ZNF185: variants seen among roughly 807,000 people sequenced by gnomAD.
ZNF185 encodes the protein zinc finger protein 185 with LIM domain, also known as zinc finger protein 185.
ZNF185 carries 56 observed loss-of-function variants against 58.6 expected under a neutral mutation model. That is an observed-to-expected ratio of 0.95 (90% CI 0.77 to 1.19). ZNF185 has a LOEUF of 1.19. Among genes scored for constraint, ZNF185 ranks in the 50% most tolerant of loss-of-function variants. ZNF185 has a pLI of 0.00. For missense variants in ZNF185, 627 were observed against 573.5 expected, an observed-to-expected ratio of 1.09 and a Z score of -0.95; for synonymous variants, 230 against 215.9, an observed-to-expected ratio of 1.07 and a Z score of -0.57.
upstream of ZNF185, among the ~76,000 whole-genome samples, chrX:152,909,904 C>CTTTTT (rs1223634856): frequency 7.8e-5 from 7 of 90,235 alleles, no homozygotes; most frequent in African/African-American, 2.7e-4. Context: ...GGCATCAACT[C>CTTTTT]TTTTTTTTTT....
chrX:152,969,913 C>A (rs1178537756), intron 21 of ZNF185, among the ~76,000 whole-genome samples: 2 of 112,306 alleles, frequency 1.8e-5, no homozygotes, highest in African/African-American at 6.5e-5. Flanking sequence ...GGTCCCCATT[C>A]TCCACAGTGT....
At chrX:152,918,909 G>T (rs970260864) in intron 6 of ZNF185, 74 bp from the exon 8 acceptor site, 3 of 769,165 alleles carry the variant, frequency 3.9e-6, no homozygotes, top group Admixed American at 5.2e-5. Context: ...CCTCGTCATT[G>T]TTGTTGAAAG....
At chrX:152,969,397 C>T (rs2125998617) in exon 21 of ZNF185, 1 of 1,206,433 alleles carries the variant, frequency 8.3e-7, no homozygotes, top group East Asian at 3.0e-5. Context: ...CTGGAGGGAT[C>T]TGTACTTACT....
At chrX:152,931,804 C>T in intron 13 of ZNF185, 28 bp downstream of exon 14, 4 of 1,156,538 alleles carry the variant, frequency 3.5e-6, no homozygotes, top group Non-Finnish European at 4.7e-6. Context: ...GCAGACACTT[C>T]ATTCCCAGAA....
exon 15 of ZNF185, chrX:152,938,139 A>C: frequency 8.4e-7 from 1 of 1,184,621 alleles, no homozygotes; most frequent in Non-Finnish European, 1.1e-6. Context: ...GCAGCCCAGG[A>C]GGATGCAAAG....
chrX:152,959,820 G>C, exon 17 of ZNF185: 1 of 1,212,020 alleles, frequency 8.3e-7, no homozygotes, highest in Non-Finnish European at 1.1e-6. Flanking sequence ...GCAACCTGCA[G>C]ATCCCAGTAC....
intron 16 of ZNF185, among the ~76,000 whole-genome samples, chrX:152,958,614 C>T (rs1413372926): frequency 9.2e-6 from 1 of 109,276 alleles, no homozygotes; most frequent in East Asian, 2.9e-4. Context: ...GAATTAGCCA[C>T]GCGTGGCAGC....
At chrX:152,959,564 T>C (rs1343501865) in intron 16 of ZNF185, 135 bp from the exon 19 acceptor site, 1 of 708,368 alleles carries the variant, frequency 1.4e-6, no homozygotes, top group African/African-American at 2.2e-5. Context: ...GGATTGTGCC[T>C]CCTTCCTGTC....
chrX:152,947,390 A>C (rs111441548), intron 16 of ZNF185, among the ~76,000 whole-genome samples: 1,259 of 111,410 alleles, frequency 0.011, 8 homozygotes, highest in Non-Finnish European at 0.017. Context: ...CTCCAAAATA[A>C]AAATAAAAAA....
At position 152,967,208 on chromosome X, in the gene ZNF185, C is replaced by T. The variant is rs2050206757; in HGVS notation, c.1841C>T (p.Pro614Leu). 1.7e-6 allele frequency: 2 copies of T among 1,211,580 alleles called. No homozygotes were observed. Among genetic ancestry groups the T allele is most frequent in the African/African-American group, 3.5e-5 (2 of 57,834 alleles). Residue 614 changes from proline to leucine, a missense_variant, in exon 20 of 23, where the codon CCT becomes CTT. By Grantham distance (98) the Pro-to-Leu change is moderately conservative. Transcript: ENST00000449285. ...GACTCATTCGCCATGGAGAAGAAGCCTCCATGTGGCAGCACTCCATACTCT... is the reference window on the plus strand; with the variant it reads ...GACTCATTCGCCATGGAGAAGAAGCTTCCATGTGGCAGCACTCCATACTCT...
the ZNF185 span, among the ~76,000 whole-genome samples, chrX:152,906,589 C>T: frequency 8.8e-6 from 1 of 112,996 alleles, no homozygotes; most frequent in Non-Finnish European, 1.9e-5. Flanking sequence ...CCTTCTTGCC[C>T]TGTCCAGCTG....
At chrX:152,970,462 C>G in exon 22 of ZNF185, 3 of 1,209,834 alleles carry the variant, frequency 2.5e-6, no homozygotes, top group Non-Finnish European at 2.2e-6. Flanking sequence ...TGCAGTAAAC[C>G]GATGGGCGAT....
upstream of ZNF185, chrX:152,914,317 A>T (rs1386544389): frequency 2.0e-5 from 9 of 458,288 alleles, no homozygotes; most frequent in South Asian, 7.2e-5. Context: ...TTAGCACTCC[A>T]CCAACGCTTG....
chrX:152,904,316 G>A, the ZNF185 span, among the ~76,000 whole-genome samples: 3 of 112,302 alleles, frequency 2.7e-5, no homozygotes, highest in African/African-American at 9.7e-5. Context: ...CACCGTTGAA[G>A]TGCCCCATCC....
intron 14 of ZNF185, chrX:152,936,422 T>C (rs1300708125): frequency 1.7e-6 from 2 of 1,164,897 alleles, no homozygotes; most frequent in Non-Finnish European, 2.3e-6. Context: ...TCACAGGCTG[T>C]GTGCAGCTGC....
the ZNF185 span, among the ~76,000 whole-genome samples, chrX:152,907,823 A>G: frequency 8.9e-6 from 1 of 112,984 alleles, no homozygotes; most frequent in African/African-American, 3.2e-5. Context: ...AAAGCCAACC[A>G]TTCCTTTGGT....
intron 15 of ZNF185, 70 bp downstream of exon 17, chrX:152,938,233 C>T (rs1029445058): frequency 9.4e-7 from 1 of 1,059,998 alleles, no homozygotes; most frequent in African/African-American, 1.8e-5. Context: ...TGTCCATTGG[C>T]CTTTGGCTGG....
chrX:152,915,550 T>G (rs1404953936), intron 3 of ZNF185, among the ~76,000 whole-genome samples: 2 of 111,925 alleles, frequency 1.8e-5, no homozygotes, highest in Non-Finnish European at 3.8e-5. Context: ...CTGCAGGGAG[T>G]GATACTGCCT....
At chrX:152,963,818 C>A (rs2049816568) in intron 17 of ZNF185, 21 bp from the exon 20 acceptor site, 2 of 1,197,861 alleles carry the variant, frequency 1.7e-6, no homozygotes, top group Non-Finnish European at 2.3e-6. Context: ...ACGTGCCCAC[C>A]CCTCCCTTTA....
Sources: allele counts gnomAD v4.1 joint callset (sites outside exome capture counted in the v4.1 genomes callset), GRCh38; gene constraint gnomAD v4.1.1; transcripts MANE v1.5; gene names NCBI Gene and HGNC (gene_info 2026-07-23, HGNC 2026-07-21).